CTXND1: variants seen among roughly 807,000 people sequenced by gnomAD.
CTXND1 encodes cortexin domain containing 1.
intron 1 of CTXND1, among the ~76,000 whole-genome samples, chr15:80,236,418 A>G (rs1431354488): frequency 6.6e-6 from 1 of 152,184 alleles, no homozygotes; most frequent in Non-Finnish European, 1.5e-5. Flanking sequence ...GTTGGGACAG[A>G]CACTACCTAG....
intron 1 of CTXND1, among the ~76,000 whole-genome samples, chr15:80,204,290 T>C (rs1422924339): frequency 6.7e-6 from 1 of 149,708 alleles, no homozygotes; most frequent in African/African-American, 2.5e-5. Flanking sequence ...ATCTACCATC[T>C]TGACCATTTT....
chr15:80,240,216 C>T (rs146135992), intron 1 of CTXND1, among the ~76,000 whole-genome samples: 35 of 152,290 alleles, frequency 2.3e-4, no homozygotes, highest in African/African-American at 7.0e-4. Flanking sequence ...CCGCCTGCCT[C>T]GGCCTCCCAA....
intron 1 of CTXND1, among the ~76,000 whole-genome samples, chr15:80,214,817 T>A (rs1893234981): frequency 6.6e-6 from 1 of 152,146 alleles, no homozygotes; most frequent in African/African-American, 2.4e-5. Context: ...TCAACACAGT[T>A]AAAAATAAAC....
In CTXND1 at chr15:80,201,560, G is replaced by C. The variant is rs2114707; in HGVS notation, c.*210C>G. ...GTCCAGGGCTCTTTTCCCCTGGCTGGTCCATGGTTGCGACACCCACGGCAC... is the reference window on the plus strand; with the variant it reads ...GTCCAGGGCTCTTTTCCCCTGGCTGCTCCATGGTTGCGACACCCACGGCAC... On this transcript the variant is annotated 3_prime_UTR_variant, in exon 3 of 3. Coordinates refer to ENST00000560778, the MANE Select transcript of CTXND1 (RefSeq NM_001352888.2). 284,619 of 381,674 alleles carry C rather than the reference G, an allele frequency of 0.75. 106,686 individuals are homozygous for C. Among genetic ancestry groups the C allele is most frequent in the East Asian group, 0.89 (23,789 of 26,808 alleles). The allele number at this position is 381,674 out of a possible 1,614,324, so 23.6% of individuals were successfully genotyped here. A position where few individuals can be genotyped will look rare whatever the true frequency, so the allele number is the denominator to read the frequency against.
chr15:80,246,543 G>A (rs1893632345), intron 1 of CTXND1, among the ~76,000 whole-genome samples: 1 of 152,252 alleles, frequency 6.6e-6, no homozygotes, highest in Non-Finnish European at 1.5e-5. Context: ...GTGCCCTTGT[G>A]TGAAACCCGT....
chr15:80,202,595 G>A (rs1414865618), intron 2 of CTXND1, among the ~76,000 whole-genome samples: 2 of 152,154 alleles, frequency 1.3e-5, no homozygotes, highest in Non-Finnish European at 1.5e-5. Flanking sequence ...GATTACAGGC[G>A]TGACCACTGT....
intron 1 of CTXND1, among the ~76,000 whole-genome samples, chr15:80,218,116 T>G (rs970369476): frequency 2.2e-4 from 33 of 152,188 alleles, no homozygotes; most frequent in African/African-American, 8.0e-4. Flanking sequence ...GTATCCTTCT[T>G]GGCTGTAATT....
At chr15:80,240,075 C>G (rs981309917) in intron 1 of CTXND1, among the ~76,000 whole-genome samples, 1 of 152,210 alleles carries the variant, frequency 6.6e-6, no homozygotes. Context: ...AAGTGATTCT[C>G]CTGCCTCAGC....
intron 1 of CTXND1, among the ~76,000 whole-genome samples, chr15:80,218,634 T>C (rs11634440): frequency 0.17 from 25,160 of 151,870 alleles, 2,165 homozygotes; most frequent in East Asian, 0.28. Flanking sequence ...ATATATATTT[T>C]CCGTTGATAT....
chr15:80,230,132 A>C (rs1305145134), intron 1 of CTXND1, among the ~76,000 whole-genome samples: 1 of 152,208 alleles, frequency 6.6e-6, no homozygotes, highest in Non-Finnish European at 1.5e-5. Flanking sequence ...TTCTAGAATG[A>C]CTTTCTATAA....
At chr15:80,218,204 T>G (rs764110135) in intron 1 of CTXND1, among the ~76,000 whole-genome samples, 1 of 152,118 alleles carries the variant, frequency 6.6e-6, no homozygotes, top group Non-Finnish European at 1.5e-5. Context: ...GGCACAATCA[T>G]AGCTCACTGC....
intron 1 of CTXND1, among the ~76,000 whole-genome samples, chr15:80,220,771 GGTTTA>G: frequency 6.6e-6 from 1 of 150,906 alleles, no homozygotes; most frequent in East Asian, 1.9e-4. Context: ...GGTATTTTGT[GGTTTA>G]TAGTATTGAT....
chr15:80,217,518 T>C (rs1272184784), intron 1 of CTXND1, among the ~76,000 whole-genome samples: 2 of 143,876 alleles, frequency 1.4e-5, no homozygotes, highest in African/African-American at 5.3e-5. Flanking sequence ...CTCCAATAGC[T>C]TGCTTATTTA....
chr15:80,204,187 T>TACACAA lies in CTXND1; in HGVS notation c.-217-448_-217-447insTTGTGT, dbSNP rs1220143548. ...AAAAAAAAATATATATATATATATATATATATATATATACACAAACACATA... is the reference window on the plus strand; with the variant it reads ...AAAAAAAAATATATATATATATATATACACAAATATATATATATACACAAACACATA... On this transcript the variant is annotated intron_variant, in intron 1 of 2. Coordinates refer to ENST00000560778, the MANE Select transcript of CTXND1 (RefSeq NM_001352888.2). 8.8e-3 allele frequency among the ~76,000 whole-genome samples: 439 copies of TACACAA among 49,866 alleles called. 19 individuals carry two copies. The highest frequency in any genetic ancestry group is 0.016 in the South Asian group (14 of 892). 32.7% of individuals were successfully genotyped at this position (49,866 alleles called of 152,430 possible).
intron 1 of CTXND1, among the ~76,000 whole-genome samples, chr15:80,232,375 C>G (rs1230900601): frequency 3.3e-5 from 5 of 152,154 alleles, no homozygotes; most frequent in Non-Finnish European, 7.3e-5. Flanking sequence ...GGAAATCGAG[C>G]TCATGTTTCT....
chr15:80,204,883 G>T (rs1258602542), intron 1 of CTXND1, among the ~76,000 whole-genome samples: 1 of 152,002 alleles, frequency 6.6e-6, no homozygotes, highest in East Asian at 1.9e-4. Flanking sequence ...TGAACATTTT[G>T]CGTAATTAAT....
intron 1 of CTXND1, among the ~76,000 whole-genome samples, chr15:80,245,236 A>G (rs1283002654): frequency 6.6e-6 from 1 of 152,212 alleles, no homozygotes; most frequent in East Asian, 1.9e-4. Flanking sequence ...CGCTGCAGGC[A>G]TCAAGACCTC....
intron 1 of CTXND1, among the ~76,000 whole-genome samples, chr15:80,245,721 C>T (rs1893620542): frequency 6.6e-6 from 1 of 152,126 alleles, no homozygotes. Context: ...AGGCTCTCAC[C>T]CTTCCCACCC....
At chr15:80,237,552 TTG>T (rs1035394189) in intron 1 of CTXND1, among the ~76,000 whole-genome samples, 18 of 152,148 alleles carry the variant, frequency 1.2e-4, no homozygotes, top group African/African-American at 3.9e-4. Flanking sequence ...ATGTGATTGT[TTG>T]TGTCTTAGTT....
Sources: allele counts gnomAD v4.1 joint callset (sites outside exome capture counted in the v4.1 genomes callset), GRCh38; gene constraint gnomAD v4.1.1; transcripts MANE v1.5; gene names NCBI Gene and HGNC (gene_info 2026-07-23, HGNC 2026-07-21).